Variants in VAV2 observed in about 807,000 individuals in gnomAD.
The protein encoded by VAV2 is guanine nucleotide exchange factor VAV2.
VAV2 carries 67 observed loss-of-function variants against 132.5 expected under a neutral mutation model. The observed-to-expected ratio is 0.51, with a 90% CI of 0.42 to 0.62. VAV2 has a LOEUF of 0.62. Among genes scored for constraint, VAV2 ranks in the 20% least tolerant of loss-of-function variants. The probability of loss-of-function intolerance (pLI) is 0.00; values close to 1 mark genes in which losing one functional copy is unlikely to be tolerated. For synonymous variants in VAV2, 492 were observed against 443.5 expected (o/e 1.11, Z -1.37); for missense variants, 938 against 1,153.6 (o/e 0.81, Z 2.71).
chr9:133,839,685 G>A (rs1836640219), intron 3 of VAV2, among the ~76,000 whole-genome samples: 1 of 152,120 alleles, frequency 6.6e-6, no homozygotes, highest in South Asian at 2.1e-4. Flanking sequence ...TCCTGACCTC[G>A]TGATCCGCCC....
chr9:133,965,863 C>T (rs1842125153), intron 1 of VAV2, among the ~76,000 whole-genome samples: 1 of 152,310 alleles, frequency 6.6e-6, no homozygotes. Context: ...GGAGGCATCA[C>T]ACTACCTGAC....
chr9:133,795,673 T>A lies in VAV2; in HGVS notation c.1096A>T (p.Met366Leu). The A allele has an allele frequency of 6.2e-7, 1 of 1,614,110 alleles. No individual in the cohort carries two copies. Among genetic ancestry groups the A allele is most frequent in the Non-Finnish European group, 8.5e-7 (1 of 1,179,964 alleles). The change falls in exon 12 of 30, where the codon ATG becomes TTG. Residue 366 changes from methionine to leucine, a missense_variant. Met to Leu is a conservative substitution (Grantham distance 15). Coordinates refer to ENST00000371850, the MANE Select transcript of VAV2 (RefSeq NM_001134398.2). ...GCCTCAGTTTACCCACACACCTGCA[T>A]GGCTTCCAGTGCTTCTTTGAGCTGC... ...RQQLKEALEA[M>L]QDLAMYINEV...
intron 4 of VAV2, among the ~76,000 whole-genome samples, chr9:133,816,011 G>A (rs528367279): frequency 5.3e-5 from 8 of 152,272 alleles, no homozygotes; most frequent in South Asian, 4.1e-4. Flanking sequence ...TGCTGTTGCC[G>A]GTCTTTTTCC....
intron 4 of VAV2, among the ~76,000 whole-genome samples, chr9:133,813,394 C>T (rs1488105234): frequency 1.3e-5 from 2 of 152,256 alleles, no homozygotes; most frequent in Non-Finnish European, 2.9e-5. Flanking sequence ...ACGCTGTGTG[C>T]CACGGCCTCA....
chr9:133,844,054 T>C (rs2131818563), intron 3 of VAV2, among the ~76,000 whole-genome samples: 1 of 151,936 alleles, frequency 6.6e-6, no homozygotes, highest in Non-Finnish European at 1.5e-5. Context: ...AGCGAGGCTG[T>C]TTCTGCCCCT....
chr9:133,794,400 G>A lies in VAV2; in HGVS notation c.1101+1268C>T, dbSNP rs924154398. Among the ~76,000 whole-genome samples, 7 of 152,114 alleles carry A rather than the reference G, an allele frequency of 4.6e-5. No homozygotes were observed. The South Asian group carries it at 6.2e-4, about 13-fold the overall frequency. Reference sequence around the variant, plus strand: ...GGGACCACCTCCCGTGCCCACACACGAGTGCCCACAGGATTTGGAGTAAAT... The same window carrying A: ...GGGACCACCTCCCGTGCCCACACACAAGTGCCCACAGGATTTGGAGTAAAT... On this transcript the variant is annotated intron_variant, in intron 12 of 29. Transcript: ENST00000371850. This position sits in a 1 kb window ranked among gnomAD's most constrained non-coding sequence, Gnocchi z 4.6.
At position 133,969,586 on chromosome 9, in the gene VAV2, T is replaced by A. The variant is rs1842258966; in HGVS notation, c.204+22489A>T. On this transcript the variant is annotated intron_variant, in intron 1 of 29. Coordinates refer to ENST00000371850, the MANE Select transcript of VAV2 (RefSeq NM_001134398.2). The surrounding 1 kb of genome is among the most constrained non-coding windows in gnomAD (Gnocchi z 5.1). ...GAAGGCTGCTGGGAGAACCCAGACATCCCTGCAACCTTGGCCAGTGGGGGA... is the reference window on the plus strand; with the variant it reads ...GAAGGCTGCTGGGAGAACCCAGACAACCCTGCAACCTTGGCCAGTGGGGGA... Among the ~76,000 whole-genome samples the A allele has an allele frequency of 6.6e-6, 1 of 151,958 alleles. No individual in the cohort carries two copies. Among genetic ancestry groups the A allele is most frequent in the African/African-American group, 2.4e-5 (1 of 41,346 alleles).
rs1834632379 is a variant in VAV2, at chr9:133,794,603, C to G, written c.1101+1065G>C. On this transcript the variant is annotated intron_variant, in intron 12 of 29. Coordinates refer to ENST00000371850, the MANE Select transcript of VAV2 (RefSeq NM_001134398.2). The surrounding 1 kb of genome is among the most constrained non-coding windows in gnomAD (Gnocchi z 4.6). ...GGAAAGGAAAAGGGGGCCCAAAGCC[C>G]AGGGGGGCTGCCCAGAGGGCAGGGG... Among the ~76,000 whole-genome samples, 1 of 152,178 alleles carries G rather than the reference C, an allele frequency of 6.6e-6. No homozygotes were observed. The highest frequency in any genetic ancestry group is 2.1e-4 in the South Asian group (1 of 4,834).
intron 1 of VAV2, among the ~76,000 whole-genome samples, chr9:133,971,719 G>A (rs547045964): frequency 2.0e-5 from 3 of 152,162 alleles, no homozygotes; most frequent in South Asian, 4.1e-4. Context: ...CAGGGTGTGG[G>A]CTGAGCCAGT....
At chr9:133,799,361 T>C (rs1391589599) in intron 9 of VAV2, among the ~76,000 whole-genome samples, 1 of 152,214 alleles carries the variant, frequency 6.6e-6, no homozygotes. Flanking sequence ...TGACTGGTAC[T>C]TCCTCAGGCC....
At chr9:133,869,733 G>A (rs1406018142) in intron 2 of VAV2, among the ~76,000 whole-genome samples, 11 of 152,302 alleles carry the variant, frequency 7.2e-5, no homozygotes, top group Admixed American at 3.9e-4. Flanking sequence ...TTCTGGCCCC[G>A]ACCCTCCGAC....
rs1243747322 is a variant in VAV2 at position 133,863,430 on chromosome 9, AC to A, written c.322-1999del. Among the ~76,000 whole-genome samples, 4 of 138,916 alleles carry A rather than the reference AC, an allele frequency of 2.9e-5. No homozygotes were observed. Among genetic ancestry groups the A allele is most frequent in the Non-Finnish European group, 5.9e-5 (4 of 67,360 alleles). 91.1% of individuals were successfully genotyped at this position (138,916 alleles called of 152,430 possible). A position where few individuals can be genotyped will look rare whatever the true frequency, so the allele number is the denominator to read the frequency against. On this transcript the variant is annotated intron_variant, in intron 2 of 29. Transcript: ENST00000371850. The surrounding 1 kb of genome is among the most constrained non-coding windows in gnomAD (Gnocchi z 5.0). ...CCCCAGGTCGGGTCGTACAGATGGA[AC>A]CGGGTCGTACAGATGGAACCGGAGA...
intron 2 of VAV2, among the ~76,000 whole-genome samples, chr9:133,890,455 A>T (rs987470716): frequency 6.6e-6 from 1 of 152,180 alleles, no homozygotes; most frequent in Non-Finnish European, 1.5e-5. Flanking sequence ...TTGGGAGAGC[A>T]GAAATGGGAA....
At chr9:133,842,385 C>CAG (rs1836760066) in intron 3 of VAV2, among the ~76,000 whole-genome samples, 1 of 152,194 alleles carries the variant, frequency 6.6e-6, no homozygotes, top group Non-Finnish European at 1.5e-5. Context: ...AGAGAACAGG[C>CAG]AGAGCCTCGA....
chr9:133,780,402 G>A lies in VAV2; in HGVS notation c.1740+292C>T, dbSNP rs866253691. On this transcript the variant is annotated intron_variant, in intron 20 of 29. Coordinates refer to ENST00000371850, the MANE Select transcript of VAV2 (RefSeq NM_001134398.2). ...GGGCTCTGAGCCAACTGGGGGACTCGGGGGCAGGAGGGCTGGTGCAGGTCC... is the reference window on the plus strand; with the variant it reads ...GGGCTCTGAGCCAACTGGGGGACTCAGGGGCAGGAGGGCTGGTGCAGGTCC... Among the ~76,000 whole-genome samples the A allele has an allele frequency of 1.6e-4, 24 of 152,322 alleles. 1 individual carries two copies. In the Middle Eastern group the frequency reaches 0.014, roughly 86 times the overall value.
chr9:133,935,716 T>G lies in VAV2; in HGVS notation c.321+3387A>C, dbSNP rs1308553864. Reference sequence around the variant, plus strand: ...CCGCTGGCCCCAGGCCAGACTCCATTTGGAAGTGCTGACCACAGCTTGACC... The same window carrying G: ...CCGCTGGCCCCAGGCCAGACTCCATGTGGAAGTGCTGACCACAGCTTGACC... On this transcript the variant is annotated intron_variant, in intron 2 of 29. Transcript: ENST00000371850. The surrounding 1 kb of genome is among the most constrained non-coding windows in gnomAD (Gnocchi z 5.2). 6.6e-6 allele frequency among the ~76,000 whole-genome samples: 1 copy of G among 152,048 alleles called. No homozygotes were observed. The highest frequency in any genetic ancestry group is 1.5e-5 in the Non-Finnish European group (1 of 67,978).
intron 3 of VAV2, among the ~76,000 whole-genome samples, chr9:133,854,791 GAAAGA>G (rs954441749): frequency 6.6e-6 from 1 of 152,122 alleles, no homozygotes; most frequent in Non-Finnish European, 1.5e-5. Context: ...GTAACGAAAG[GAAAGA>G]AAAGGAAAAA....
At position 133,802,633 on chromosome 9, in the gene VAV2, T is replaced by C. The variant is rs1437767927; in HGVS notation, c.836+3448A>G. 2.0e-5 allele frequency among the ~76,000 whole-genome samples: 3 copies of C among 152,150 alleles called. No individual in the cohort carries two copies. Among genetic ancestry groups the C allele is most frequent in the Non-Finnish European group, 2.9e-5 (2 of 68,042 alleles). On this transcript the variant is annotated intron_variant, in intron 9 of 29. Coordinates refer to ENST00000371850, the MANE Select transcript of VAV2 (RefSeq NM_001134398.2). This position sits in a 1 kb window ranked among gnomAD's most constrained non-coding sequence, Gnocchi z 5.8. ...CCCGTGGCCCGAGCTCCGTGGGTAT[T>C]TGTGTGAGGATCATGTTTTTTAACT...
rs149209130 is a variant in VAV2 at position 133,878,674 on chromosome 9, C to T, written c.322-17242G>A. ...ATCCCTGCTGACCCCACCTGCCGCC[C>T]GTCTCAGGAGGAGGATTCCCAGGAA... is the stretch of plus-strand genomic sequence containing the variant. On this transcript the variant is annotated intron_variant, in intron 2 of 29. Coordinates refer to ENST00000371850, the MANE Select transcript of VAV2 (RefSeq NM_001134398.2). Among the ~76,000 whole-genome samples, 830 of 152,344 alleles carry T rather than the reference C, an allele frequency of 5.4e-3. 9 individuals are homozygous for T. The highest frequency in any genetic ancestry group is 0.019 in the African/African-American group (782 of 41,580).
Sources: gnomAD v4.1 joint callset for allele counts (sites outside exome capture counted in the v4.1 genomes callset) on GRCh38, gnomAD v4.1.1 for gene constraint, Gnocchi (gnomAD v3.1) non-coding constraint, MANE v1.5 for transcripts, NCBI Gene and HGNC (gene_info 2026-07-23, HGNC 2026-07-21) for gene names.